The following WEE2 variants were observed in gnomAD, a reference collection of about 807,000 sequenced individuals.
WEE2 encodes the protein WEE2 oocyte meiosis inhibiting kinase.
A neutral mutation model predicts 60.1 loss-of-function variants in WEE2; 50 were observed. The ratio of observed to expected loss-of-function variants is 0.83; its 90% CI spans 0.66 to 1.05. WEE2 has a LOEUF of 1.05. WEE2 is among the 50% of genes least tolerant of loss of function. WEE2 has a pLI of 0.00. For missense variants in WEE2, 631 were observed against 684.3 expected (o/e 0.92, Z 0.87); for synonymous variants, 240 against 241.0 (o/e 1.00, Z 0.04).
At chr7:141,720,053 G>A (rs1008984779) in intron 4 of WEE2, among the ~76,000 whole-genome samples, 5 of 149,514 alleles carry the variant, frequency 3.3e-5, no homozygotes, top group Non-Finnish European at 7.4e-5. Flanking sequence ...CATATTTTCA[G>A]ATCAGCCAAG....
At position 141,724,234 on chromosome 7, in the gene WEE2, GA is replaced by G. The variant is rs772664320; in HGVS notation, c.1182del (p.Gly395GlufsTer28). On this transcript the variant is annotated frameshift_variant, in exon 8 of 12. Transcript: ENST00000397541. LOFTEE classifies it high-confidence loss of function. ...ATSINKPKVE[E>X]GDSRFLANEI... Reference sequence around the variant, plus strand: ...ATCAATAAACAAACCCAAAGTGGAAGAAGGAGATAGTCGCTTCCTGGCTAAT... The same window carrying G: ...ATCAATAAACAAACCCAAAGTGGAAGAGGAGATAGTCGCTTCCTGGCTAAT... 6.2e-7 allele frequency: 1 copy of G among 1,613,900 alleles called. No individual in the cohort carries two copies. The highest frequency in any genetic ancestry group is 2.2e-5 in the East Asian group (1 of 44,856).
At chr7:141,715,768 C>T (rs1240090958) in intron 2 of WEE2, among the ~76,000 whole-genome samples, 1 of 152,186 alleles carries the variant, frequency 6.6e-6, no homozygotes, top group African/African-American at 2.4e-5. Flanking sequence ...TCAGACCTGG[C>T]TCCAAGTCCC....
intron 3 of WEE2, among the ~76,000 whole-genome samples, chr7:141,717,104 T>A (rs1305653652): frequency 1.3e-5 from 2 of 152,248 alleles, no homozygotes; most frequent in Non-Finnish European, 2.9e-5. Context: ...TAATGTTTAG[T>A]GTGCAAAAGA....
Position 141,721,015 on chromosome 7 carries a change from CAGAAGATGACCA to C in WEE2, c.840_851del (p.Glu281_His284del). On this transcript the variant is annotated inframe_deletion, in exon 5 of 12. Coordinates refer to ENST00000397541, the MANE Select transcript of WEE2 (RefSeq NM_001105558.1). The stretch of plus-strand genomic sequence containing the variant: ...GTGGTACGTTACTATTCCTCATGGG[CAGAAGATGACCA>C]CATGATCATTCAGAATGAATACTGC... 6.2e-7 allele frequency: 1 copy of C among 1,614,154 alleles called. No homozygotes were observed. Among genetic ancestry groups the C allele is most frequent in the Non-Finnish European group, 8.5e-7 (1 of 1,180,004 alleles).
At chr7:141,723,326 C>T in intron 6 of WEE2, 46 bp downstream of exon 6, 1 of 1,592,184 alleles carries the variant, frequency 6.3e-7, no homozygotes, top group South Asian at 1.1e-5. Flanking sequence ...TTTGTTCTTT[C>T]TATGCTATCA....
rs780693440 is a variant in WEE2, at chr7:141,723,216, A to G, written c.963A>G (p.Leu321=). ...AGCCAAAACTCAAGGACATCCTTCT[A>G]CAGATTTCCCTTGGCCTTAATTACA... ...FEEPKLKDIL[L]QISLGLNYIH... is the part of the protein sequence containing the mutation. Residue 321 remains leucine, a synonymous_variant, in exon 6 of 12, where the codon CTA becomes CTG. Coordinates refer to ENST00000397541, the MANE Select transcript of WEE2 (RefSeq NM_001105558.1). 3.7e-6 allele frequency: 6 copies of G among 1,614,182 alleles called. No homozygotes were observed. The highest frequency in any genetic ancestry group is 5.1e-6 in the Non-Finnish European group (6 of 1,180,022).
Position 141,724,173 on chromosome 7 carries a change from C to G in WEE2, c.1136-17C>G, listed in dbSNP as rs1198657166. On this transcript the variant is annotated splice_polypyrimidine_tract_variant and intron_variant, in intron 7 of 11. Transcript: ENST00000397541. ...TTTTGTTCGATTTTATTCTTTTTTC[C>G]TTTTTCTTTTTTTTAGGTGACCTGG... is the stretch of plus-strand genomic sequence containing the variant. 5 of 1,594,776 alleles carry G rather than the reference C, an allele frequency of 3.1e-6. No individual in the cohort carries two copies. The East Asian group carries it at 8.9e-5, about 29-fold the overall frequency.
chr7:141,725,480 C>CCGGGCATGGTGG (rs1307615409), intron 9 of WEE2, among the ~76,000 whole-genome samples: 3 of 152,018 alleles, frequency 2.0e-5, no homozygotes, highest in Non-Finnish European at 4.4e-5. Context: ...AAAAAATTAG[C>CCGGGCATGGTGG]CGGGCATGGT....
At chr7:141,716,804 G>GA (rs1454668434) in intron 3 of WEE2, among the ~76,000 whole-genome samples, 3 of 152,022 alleles carry the variant, frequency 2.0e-5, no homozygotes, top group Non-Finnish European at 2.9e-5. Flanking sequence ...AAAGATAATG[G>GA]AAAAAAGGGG....
At chr7:141,726,860 G>A (rs781541688) in intron 9 of WEE2, among the ~76,000 whole-genome samples, 10 of 152,160 alleles carry the variant, frequency 6.6e-5, no homozygotes, top group South Asian at 2.1e-4. Flanking sequence ...AGGTTACATC[G>A]TCTACCTTAA....
At chr7:141,730,146 C>T in intron 11 of WEE2, 149 bp from the exon 12 acceptor site, 2 of 582,272 alleles carry the variant, frequency 3.4e-6, no homozygotes, top group African/African-American at 1.9e-5. Context: ...ACTAATTTAC[C>T]ATTTATAGCC....
At chr7:141,717,534 A>T (rs992735994) in intron 3 of WEE2, among the ~76,000 whole-genome samples, 1 of 152,266 alleles carries the variant, frequency 6.6e-6, no homozygotes, top group Admixed American at 6.5e-5. Flanking sequence ...AAGGAAAAAC[A>T]TCTGGCCAAA....
intron 10 of WEE2, among the ~76,000 whole-genome samples, chr7:141,728,938 G>A (rs991495330): frequency 6.6e-6 from 1 of 152,084 alleles, no homozygotes; most frequent in Non-Finnish European, 1.5e-5. Context: ...CTCCTCCCCC[G>A]ACTCCCCACC....
Position 141,714,227 on chromosome 7 carries a change from G to C in WEE2, c.361G>C (p.Val121Leu). The C allele has an allele frequency of 1.2e-6, 2 of 1,612,004 alleles. No homozygotes were observed. Among genetic ancestry groups the C allele is most frequent in the Non-Finnish European group, 1.7e-6 (2 of 1,179,260 alleles). Residue 121 changes from valine to leucine, a missense_variant, in exon 2 of 12, where the codon GTG becomes CTG. Physicochemically the swap from Val to Leu is conservative, Grantham distance 32 (BLOSUM62 1). Transcript: ENST00000397541. ...STPKTMLSRL[V>L]ISPTGKLPSR... Reference sequence around the variant, plus strand: ...CATTCAGACCATGCTGAGCCGGTTGGTGATTTCTCCAACAGGGAAGCTTCC... The same window carrying C: ...CATTCAGACCATGCTGAGCCGGTTGCTGATTTCTCCAACAGGGAAGCTTCC...
chr7:141,716,202 C>CT lies in WEE2; in HGVS notation c.540-11dup, dbSNP rs200089139. On this transcript the variant is annotated intron_variant, in intron 2 of 11. Coordinates refer to ENST00000397541, the MANE Select transcript of WEE2 (RefSeq NM_001105558.1). ...TAAATATTAATTATATATTGATAAA[C>CT]TTTTTTTTTCTTTTTTAAGTGAGGA... 6.1e-4 allele frequency: 976 copies of CT among 1,593,988 alleles called. 1 individual carries two copies. In the African/African-American group the frequency reaches 9.1e-3, roughly 15 times the overall value.
intron 1 of WEE2, among the ~76,000 whole-genome samples, chr7:141,710,405 G>A (rs1798691768): frequency 6.6e-6 from 1 of 152,134 alleles, no homozygotes; most frequent in Admixed American, 6.5e-5. Context: ...ACACAGAGAA[G>A]AAAACATGAC....
chr7:141,722,042 A>G (rs4726471), intron 5 of WEE2, among the ~76,000 whole-genome samples: 82,288 of 151,944 alleles, frequency 0.54, 22,951 homozygotes, highest in African/African-American at 0.68. Flanking sequence ...GAGTGGAGCT[A>G]TGGTTTTTGT....
chr7:141,722,707 T>C (rs796880639), intron 5 of WEE2, among the ~76,000 whole-genome samples: 1 of 152,334 alleles, frequency 6.6e-6, no homozygotes, highest in African/African-American at 2.4e-5. Flanking sequence ...TTGACACCAA[T>C]AGTAGCTATA....
At chr7:141,712,842 G>A (rs761595046) in intron 1 of WEE2, among the ~76,000 whole-genome samples, 4 of 152,102 alleles carry the variant, frequency 2.6e-5, no homozygotes, top group Non-Finnish European at 5.9e-5. Context: ...TACAAAAAAC[G>A]AATTCTCAGA....
Sources: gnomAD v4.1 joint callset for allele counts (sites outside exome capture counted in the v4.1 genomes callset) on GRCh38, gnomAD v4.1.1 for gene constraint, MANE v1.5 for transcripts, NCBI Gene and HGNC (gene_info 2026-07-23, HGNC 2026-07-21) for gene names.